MAOB: variants seen among roughly 807,000 people sequenced by gnomAD.
The protein encoded by MAOB is monoamine oxidase B, also known as amine oxidase [flavin-containing] B.
MAOB carries 15 observed loss-of-function variants against 41.9 expected under a neutral mutation model. The ratio of observed to expected loss-of-function variants is 0.36; its 90% CI spans 0.24 to 0.55. MAOB has a LOEUF of 0.55. Among genes scored for constraint, MAOB ranks in the 20% least tolerant of loss-of-function variants. The pLI is 0.86. For synonymous variants in MAOB, 167 were observed against 144.2 expected, an observed-to-expected ratio of 1.16 and a Z score of -1.13; for missense variants, 345 against 398.7, an observed-to-expected ratio of 0.87 and a Z score of 1.15.
chrX:43,878,402 C>T (rs888292898), intron 1 of MAOB, among the ~76,000 whole-genome samples: 4 of 77,354 alleles, frequency 5.2e-5, no homozygotes, highest in Non-Finnish European at 9.9e-5. Context: ...CCTCTATACC[C>T]AGCCTTTGTG....
chrX:43,810,647 T>C (rs1213981830), intron 3 of MAOB, among the ~76,000 whole-genome samples: 2 of 111,649 alleles, frequency 1.8e-5, no homozygotes, highest in African/African-American at 6.5e-5. Flanking sequence ...GACTAGAATC[T>C]CATTAGAAGG....
rs759539715 is a variant in MAOB at position 43,769,274 on chromosome X, T to C, written c.1347+33A>G. The C allele has an allele frequency of 6.1e-6, 7 of 1,154,178 alleles. No individual in the cohort carries two copies. In the South Asian group the frequency reaches 1.1e-4, roughly 17 times the overall value. ...CTACATGTCAGGACCATGAGTTGCCTCCTTCCCCATAATCTATGACCCCAG... is the reference window on the plus strand; with the variant it reads ...CTACATGTCAGGACCATGAGTTGCCCCCTTCCCCATAATCTATGACCCCAG... On this transcript the variant is annotated intron_variant, in intron 13 of 14. Transcript: ENST00000378069.
intron 1 of MAOB, among the ~76,000 whole-genome samples, chrX:43,875,862 T>C (rs142711027): frequency 0.02 from 2,240 of 111,758 alleles, 47 homozygotes; most frequent in African/African-American, 0.067. Context: ...CCAAGACAAA[T>C]TGAAGAGACA....
chrX:43,843,676 A>G lies in MAOB; in HGVS notation c.135T>C (p.Thr45=). The part of the protein sequence containing the change: ...ARDRVGGRTY[T]LRNQKVKYVD... ...CGGATTCTTAATGCCTTACCCTAAGAGTGTAAGTCCTGCCTCCCACACGGT... is the reference window on the plus strand; with the variant it reads ...CGGATTCTTAATGCCTTACCCTAAGGGTGTAAGTCCTGCCTCCCACACGGT... The change falls in exon 2 of 15, where the codon ACT becomes ACC. Residue 45 remains threonine (T), a synonymous_variant. Coordinates refer to ENST00000378069, the MANE Select transcript of MAOB (RefSeq NM_000898.5). 1 of 1,209,892 alleles carries G rather than the reference A, an allele frequency of 8.3e-7. No individual in the cohort carries two copies.
chrX:43,775,675 G>A (rs2034246374), intron 11 of MAOB, among the ~76,000 whole-genome samples: 1 of 112,021 alleles, frequency 8.9e-6, no homozygotes, highest in African/African-American at 3.2e-5. Context: ...TGAAGAAAAA[G>A]GATTATCAGG....
intron 8 of MAOB, among the ~76,000 whole-genome samples, chrX:43,790,273 C>T (rs1371242170): frequency 1.8e-5 from 2 of 112,285 alleles, no homozygotes; most frequent in East Asian, 5.6e-4. Context: ...CTTCAGATTT[C>T]ATTACAGAAA....
intron 5 of MAOB, among the ~76,000 whole-genome samples, chrX:43,797,836 G>A (rs1318631123): frequency 9.0e-6 from 1 of 111,529 alleles, no homozygotes; most frequent in African/African-American, 3.3e-5. Context: ...TCCCTACCAT[G>A]ATGCTCTCTC....
In MAOB at chrX:43,768,724, G is replaced by A; in HGVS notation, c.1348-8C>T. The A allele has an allele frequency of 8.3e-7, 1 of 1,197,623 alleles. No homozygotes were observed. The highest frequency in any genetic ancestry group is 2.3e-4 in the Middle Eastern group (1 of 4,319). On this transcript the variant is annotated splice_region_variant and splice_polypyrimidine_tract_variant and intron_variant, in intron 13 of 14. Transcript: ENST00000378069. The stretch of plus-strand genomic sequence containing the variant: ...CCCCATGGCATGCAGGATCTGAAAT[G>A]AAAGAACACACTGGCAAATAGCAAA...
chrX:43,809,104 T>A (rs1468793374), intron 3 of MAOB, among the ~76,000 whole-genome samples: 1 of 111,293 alleles, frequency 9.0e-6, no homozygotes, highest in Non-Finnish European at 1.9e-5. Flanking sequence ...CATATGGAAA[T>A]GCTGTGATGA....
chrX:43,843,867 C>T, intron 1 of MAOB, 103 bp from the exon 2 acceptor site: 13 of 1,087,989 alleles, frequency 1.2e-5, no homozygotes, highest in Non-Finnish European at 1.6e-5. Context: ...CTCACGTGCA[C>T]CGCCTATTGT....
rs760408564 is a variant in MAOB, at chrX:43,794,878, A to C, written c.768+861T>G. ...CTCTGAGTGGAAAAATTTCAAAGCA[A>C]AGTTGAGTTCAAAGCAAATGTTGAG... On this transcript the variant is annotated intron_variant, in intron 7 of 14. Transcript: ENST00000378069. Among the ~76,000 whole-genome samples the C allele has an allele frequency of 5.5e-5, 6 of 109,177 alleles. No individual in the cohort carries two copies. The South Asian group carries it at 1.2e-3, about 23-fold the overall frequency. The allele number at this position is 109,177 out of a possible 115,157, so 94.8% of individuals were successfully genotyped here. A position where few individuals can be genotyped will look rare whatever the true frequency, so the allele number is the denominator to read the frequency against.
At chrX:43,871,801 C>G (rs768672705) in intron 1 of MAOB, among the ~76,000 whole-genome samples, 1 of 110,288 alleles carries the variant, frequency 9.1e-6, no homozygotes, top group East Asian at 2.9e-4. Flanking sequence ...TATTTATCAT[C>G]GGTGCTTAAC....
intron 3 of MAOB, among the ~76,000 whole-genome samples, chrX:43,815,470 G>A (rs1222561629): frequency 5.4e-5 from 6 of 111,639 alleles, no homozygotes; most frequent in Non-Finnish European, 9.4e-5. Context: ...GAGAAATCTT[G>A]GCTCAAATAA....
intron 10 of MAOB, 101 bp from the exon 11 acceptor site, chrX:43,778,840 G>A: frequency 1.7e-6 from 1 of 586,589 alleles, no homozygotes; most frequent in East Asian, 3.5e-5. Context: ...GATTCCATGA[G>A]CCATTGATTC....
intron 1 of MAOB, among the ~76,000 whole-genome samples, chrX:43,852,162 T>G (rs772558676): frequency 6.3e-5 from 7 of 111,929 alleles, no homozygotes; most frequent in African/African-American, 2.3e-4. Flanking sequence ...TAGGCCCCTT[T>G]CAGTCTGTGA....
rs138479248 is a variant in MAOB, at chrX:43,817,923, C to T, written c.280-14519G>A. Among the ~76,000 whole-genome samples the T allele has an allele frequency of 5.7e-3, 642 of 112,256 alleles. 3 individuals carry two copies. Among genetic ancestry groups the T allele is most frequent in the African/African-American group, 0.02 (605 of 30,918 alleles). On this transcript the variant is annotated intron_variant, in intron 3 of 14. Transcript: ENST00000378069. ...TATACATATATTGAGTGCCTCTCCA[C>T]GCTGGAATGTAATCCCCACGAAGGT...
At chrX:43,803,518 T>C in intron 3 of MAOB, 114 bp from the exon 4 acceptor site, 1 of 999,646 alleles carries the variant, frequency 1.0e-6, no homozygotes, top group East Asian at 4.0e-5. Flanking sequence ...CAATATGTGA[T>C]ATACACTCAA....
intron 1 of MAOB, among the ~76,000 whole-genome samples, chrX:43,851,071 C>T (rs1457992939): frequency 8.9e-6 from 1 of 111,916 alleles, no homozygotes; most frequent in African/African-American, 3.2e-5. Context: ...GTATTGTAAT[C>T]GTGGAAGACA....
intron 3 of MAOB, among the ~76,000 whole-genome samples, chrX:43,815,672 G>A (rs1237721848): frequency 8.9e-6 from 1 of 111,938 alleles, no homozygotes; most frequent in Non-Finnish European, 1.9e-5. Context: ...GGGCCTTCTG[G>A]CCAGAGTCCA....
Sources: allele counts gnomAD v4.1 joint callset (sites outside exome capture counted in the v4.1 genomes callset), GRCh38; gene constraint gnomAD v4.1.1; transcripts MANE v1.5; gene names NCBI Gene and HGNC (gene_info 2026-07-23, HGNC 2026-07-21).